TENM3: variants seen among roughly 807,000 people sequenced by gnomAD.
TENM3 encodes the protein teneurin transmembrane protein 3.
Under a neutral mutation model 255.1 loss-of-function variants are expected in TENM3, and 63 were observed. That is an observed-to-expected ratio of 0.25 (90% CI 0.20 to 0.30). The LOEUF is 0.30. Ranked by LOEUF, TENM3 falls within the 10% of genes least tolerant of loss-of-function variation. The probability of loss-of-function intolerance (pLI) is 1.00; values close to 1 mark genes in which losing one functional copy is unlikely to be tolerated. For synonymous variants in TENM3, 1,306 were observed against 1,322.3 expected, an observed-to-expected ratio of 0.99 and a Z score of 0.27; for missense variants, 2,929 against 3,461.1, an observed-to-expected ratio of 0.85 and a Z score of 3.86.
chr4:181,875,462 CCTCTCCATT>C, the TENM3 span, among the ~76,000 whole-genome samples: 1 of 150,484 alleles, frequency 6.6e-6, no homozygotes, highest in Non-Finnish European at 1.5e-5. Flanking sequence ...ATACAACCTA[CCTCTCCATT>C]CTCTAACACT....
chr4:182,277,034 T>G, intron 1 of TENM3, among the ~76,000 whole-genome samples: 1 of 152,238 alleles, frequency 6.6e-6, no homozygotes. Flanking sequence ...GGCAATGGCC[T>G]TTGATGTCTA....
intron 1 of TENM3, among the ~76,000 whole-genome samples, chr4:182,289,162 G>A (rs1428027856): frequency 6.6e-6 from 1 of 152,230 alleles, no homozygotes; most frequent in Non-Finnish European, 1.5e-5. Context: ...CCTGGCAGGC[G>A]GAGGCTTCAG....
chr4:182,195,568 A>C (rs558983199), intron 1 of TENM3, among the ~76,000 whole-genome samples: 1 of 152,132 alleles, frequency 6.6e-6, no homozygotes, highest in Admixed American at 6.5e-5. Flanking sequence ...TGAGCTGGGG[A>C]GGTCAAGGCT....
chr4:182,794,597 T>C (rs894663542), intron 26 of TENM3, among the ~76,000 whole-genome samples: 4 of 152,234 alleles, frequency 2.6e-5, no homozygotes, highest in Non-Finnish European at 5.9e-5. Context: ...CCAGTGCAGT[T>C]CTTGCATGGT....
At chr4:181,824,562 A>T in the TENM3 span, among the ~76,000 whole-genome samples, 9 of 152,194 alleles carry the variant, frequency 5.9e-5, no homozygotes, top group African/African-American at 2.2e-4. Context: ...ATATATACTT[A>T]AATGTCATAT....
the TENM3 span, among the ~76,000 whole-genome samples, chr4:181,575,959 G>C: frequency 6.8e-6 from 1 of 147,260 alleles, no homozygotes; most frequent in Non-Finnish European, 1.5e-5. Context: ...TGCTTTGTTA[G>C]GTTTTTTGTA....
At chr4:181,848,004 G>A in the TENM3 span, among the ~76,000 whole-genome samples, 14 of 152,154 alleles carry the variant, frequency 9.2e-5, no homozygotes, top group Admixed American at 7.2e-4. Flanking sequence ...CCAGAGAGTT[G>A]TTTTGGTTAT....
At position 182,214,062 on chromosome 4, in the gene TENM3, C is replaced by A. The variant is rs189920593; in HGVS notation, c.-76+69308C>A. Among the ~76,000 whole-genome samples the A allele has an allele frequency of 2.8e-3, 425 of 152,220 alleles. 2 individuals are homozygous for A. The highest frequency in any genetic ancestry group is 9.3e-3 in the African/African-American group (387 of 41,554). On this transcript the variant is annotated intron_variant, in intron 1 of 2. Coordinates refer to the TENM3 transcript ENST00000512480. Reference sequence around the variant, plus strand: ...TGTGATCCCCCCGCTGCGGCCTCCCCAAGTGCTGGGATTACAGGTGTGAAC... The same window carrying A: ...TGTGATCCCCCCGCTGCGGCCTCCCAAAGTGCTGGGATTACAGGTGTGAAC...
At position 182,222,057 on chromosome 4, in the gene TENM3, A is replaced by G. The variant is rs1207823940; in HGVS notation, c.-76+77303A>G. Among the ~76,000 whole-genome samples, 4 of 152,244 alleles carry G rather than the reference A, an allele frequency of 2.6e-5. No individual in the cohort carries two copies. In the East Asian group the frequency reaches 7.7e-4, roughly 29 times the overall value. On this transcript the variant is annotated intron_variant, in intron 1 of 2. Transcript: ENST00000512480. ...TTGTTAAAGTTCAAGGCTTCCATCA[A>G]CCTCCATCAGCGATTCCAGGCAGGA...
At chr4:182,364,120 A>T (rs1263183590) in intron 3 of TENM3, among the ~76,000 whole-genome samples, 1 of 151,942 alleles carries the variant, frequency 6.6e-6, no homozygotes, top group Non-Finnish European at 1.5e-5. Flanking sequence ...TCTAATCATT[A>T]TTTGTAATGT....
At chr4:182,551,511 G>A (rs967346948) in intron 3 of TENM3, among the ~76,000 whole-genome samples, 1 of 152,046 alleles carries the variant, frequency 6.6e-6, no homozygotes, top group East Asian at 1.9e-4. Flanking sequence ...ATTAGAAAAG[G>A]ACTGAATAAA....
intron 6 of TENM3, among the ~76,000 whole-genome samples, chr4:182,662,750 C>T (rs961846092): frequency 6.6e-6 from 1 of 152,130 alleles, no homozygotes; most frequent in African/African-American, 2.4e-5. Flanking sequence ...TGATGAGCTT[C>T]AGAGGAAAAA....
At chr4:181,934,559 A>G in the TENM3 span, among the ~76,000 whole-genome samples, 1 of 152,204 alleles carries the variant, frequency 6.6e-6, no homozygotes, top group Non-Finnish European at 1.5e-5. Flanking sequence ...GAATGAGAAA[A>G]TAAGTGATTT....
At position 182,376,456 on chromosome 4, in the gene TENM3, GCATTATATTTAAAGATATT is replaced by G. The variant is rs1272066107; in HGVS notation, c.511+29532_511+29550del. ...GCATTGCAAAAATATCTACCTGACT[GCATTATATTTAAAGATATT>G]CATTCCAAGCCCTTGATATTTTCTT... On this transcript the variant is annotated intron_variant, in intron 3 of 27. Transcript: ENST00000511685. Among the ~76,000 whole-genome samples, 3 of 152,060 alleles carry G rather than the reference GCATTATATTTAAAGATATT, an allele frequency of 2.0e-5. No individual in the cohort carries two copies. The East Asian group carries it at 5.8e-4, about 29-fold the overall frequency.
the TENM3 span, among the ~76,000 whole-genome samples, chr4:181,904,231 A>G: frequency 6.6e-6 from 1 of 152,010 alleles, no homozygotes; most frequent in East Asian, 1.9e-4. Flanking sequence ...ATCAGTCCTC[A>G]CATGATCTAC....
chr4:182,530,952 T>G (rs79882988), intron 3 of TENM3, among the ~76,000 whole-genome samples: 6,063 of 152,292 alleles, frequency 0.04, 235 homozygotes, highest in East Asian at 0.11. Context: ...ATAGCAAGTT[T>G]AAATCCAAAA....
At position 182,793,168 on chromosome 4, in the gene TENM3, A is replaced by T; in HGVS notation, c.6496A>T (p.Asn2166Tyr). The change falls in exon 26 of 28, where the codon AAC becomes TAC. Residue 2166 changes from asparagine (N) to tyrosine (Y), a missense_variant. Around this residue, in one of 6 missense-constraint regions of TENM3, gnomAD observed 256 missense variants for 389.3 expected, o/e 0.66. Transcript: ENST00000511685. This position sits in a 1 kb window ranked among gnomAD's most constrained non-coding sequence, Gnocchi z 5.7. Reference protein sequence around the residue: ...NGNLHLLNPSNSARLTPLRYD... With the variant: ...NGNLHLLNPSYSARLTPLRYD... The stretch of plus-strand genomic sequence containing the variant: ...AAACCTCCATTTACTGAACCCAAGT[A>T]ACAGTGCGCGTCTGACACCCCTTCG... The T allele has an allele frequency of 6.2e-7, 1 of 1,614,028 alleles. No individual in the cohort carries two copies. The highest frequency in any genetic ancestry group is 8.5e-7 in the Non-Finnish European group (1 of 1,179,894).
the TENM3 span, among the ~76,000 whole-genome samples, chr4:181,886,485 A>G: frequency 4.6e-5 from 7 of 152,244 alleles, no homozygotes; most frequent in Non-Finnish European, 8.8e-5. Context: ...CATGAAAATC[A>G]TTAATTAAAT....
chr4:182,192,365 T>C (rs901905840), intron 1 of TENM3, among the ~76,000 whole-genome samples: 1 of 152,230 alleles, frequency 6.6e-6, no homozygotes, highest in Admixed American at 6.5e-5. Flanking sequence ...AAGGACTATC[T>C]TTGTATCTCC....
Sources: gnomAD v4.1 joint callset for allele counts (sites outside exome capture counted in the v4.1 genomes callset) on GRCh38, gnomAD v4.1.1 for gene constraint, gnomAD v4.1.1 regional missense constraint, Gnocchi (gnomAD v3.1) non-coding constraint, MANE v1.5 for transcripts, NCBI Gene and HGNC (gene_info 2026-07-23, HGNC 2026-07-21) for gene names.